Variants in PLK2 observed in about 807,000 individuals in gnomAD.
PLK2 encodes the protein polo like kinase 2.
In PLK2, 25 loss-of-function variants were observed where a neutral mutation model predicts 78.1. That is an observed-to-expected ratio of 0.32 (90% CI 0.23 to 0.45). The LOEUF (loss-of-function observed/expected upper bound fraction) is 0.45, where lower values mean the gene tolerates loss of function less well. Among genes scored for constraint, PLK2 ranks in the 20% least tolerant of loss-of-function variants. The probability of loss-of-function intolerance (pLI) is 1.00; values close to 1 mark genes in which losing one functional copy is unlikely to be tolerated. For missense variants in PLK2, 566 were observed against 840.2 expected (o/e 0.67, Z 4.04); for synonymous variants, 332 against 298.2 (o/e 1.11, Z -1.17).
chr5:58,459,397 G>A (rs1743695008), intron 1 of PLK2: 2 of 564,104 alleles, frequency 3.5e-6, no homozygotes, highest in African/African-American at 1.9e-5. Flanking sequence ...AAATTCCCTG[G>A]GAGCAGATAG....
chr5:58,459,172 G>A, intron 1 of PLK2, 80 bp from the exon 2 acceptor site: 3 of 791,720 alleles, frequency 3.8e-6, no homozygotes, highest in Middle Eastern at 2.4e-4. Flanking sequence ...TAAATAAATG[G>A]GAAGAAAGAA....
chr5:58,459,844 G>T lies in PLK2; in HGVS notation c.116C>A (p.Pro39His). The T allele has an allele frequency of 6.2e-7, 1 of 1,610,672 alleles. No homozygotes were observed. Among genetic ancestry groups the T allele is most frequent in the East Asian group, 2.2e-5 (1 of 44,842 alleles). The change falls in exon 1 of 14, where the codon CCC becomes CAC. Residue 39 changes from proline to histidine, a missense_variant. By Grantham distance (77) the Pro-to-His change is moderately conservative (BLOSUM62 -2). Transcript: ENST00000274289. ...DSKKKRPPQP[P>H]EESQPPQSQA... Reference sequence around the variant, plus strand: ...GGACTGAGGTGGCTGCGATTCCTCGGGGGGCTGCGGCGGCCGCTTCTTCTT... The same window carrying T: ...GGACTGAGGTGGCTGCGATTCCTCGTGGGGCTGCGGCGGCCGCTTCTTCTT...
At chr5:58,456,244 T>G in intron 9 of PLK2, 89 bp from the exon 10 acceptor site, 1 of 1,296,620 alleles carries the variant, frequency 7.7e-7, no homozygotes, top group Non-Finnish European at 1.1e-6. Context: ...GTGAGGCAAT[T>G]GCTGGGAAAG....
At chr5:58,457,638 G>A in intron 5 of PLK2, 55 bp from the exon 6 acceptor site, 1 of 1,007,256 alleles carries the variant, frequency 9.9e-7, no homozygotes, top group East Asian at 2.4e-5. Flanking sequence ...ACTTAAACTT[G>A]GTTCTCTTGA....
chr5:58,458,923 C>T, intron 2 of PLK2, 62 bp downstream of exon 2: 1 of 1,320,764 alleles, frequency 7.6e-7, no homozygotes. Context: ...AAGACATTTT[C>T]CTAACAGGGA....
In PLK2 at chr5:58,454,959, T is replaced by G. The variant is rs1429914062; in HGVS notation, c.1818A>C (p.Leu606=). ...RRPRLYLLQW[L]KSDKALMMLF... is the part of the protein sequence containing the mutation. ...GCATCATTAGGGCCTTATCAGATTT[T>G]AGCCACTGAAGGAGGTAGAGCCGAG... is the stretch of plus-strand genomic sequence containing the variant. Residue 606 remains leucine (L), a synonymous_variant, in exon 13 of 14, where the codon CTA becomes CTC. Transcript: ENST00000274289. 1 of 1,613,304 alleles carries G rather than the reference T, an allele frequency of 6.2e-7. No individual in the cohort carries two copies. Among genetic ancestry groups the G allele is most frequent in the African/African-American group, 1.3e-5 (1 of 74,912 alleles).
rs934371285 is a variant in PLK2 at position 58,460,074 on chromosome 5, G to C, written c.-115C>G. ...GGTGCCGACTAGCACCCAACACCCC[G>C]GTCCACTTGTGCGAGTGAGAGCGCT... On this transcript the variant is annotated 5_prime_UTR_variant, in exon 1 of 14. Coordinates refer to ENST00000274289, the MANE Select transcript of PLK2 (RefSeq NM_006622.4). The C allele has an allele frequency of 7.9e-6, 10 of 1,258,344 alleles. No homozygotes were observed. In the African/African-American group the frequency reaches 1.5e-4, roughly 19 times the overall value. 77.9% of individuals were successfully genotyped at this position (1,258,344 alleles called of 1,614,324 possible).
chr5:58,455,372 G>T lies in PLK2; in HGVS notation c.1668C>A (p.Phe556Leu), dbSNP rs1303629647. 1.2e-6 allele frequency: 2 copies of T among 1,614,016 alleles called. No homozygotes were observed. Among genetic ancestry groups the T allele is most frequent in the African/African-American group, 2.7e-5 (2 of 75,008 alleles). Residue 556 changes from phenylalanine (F) to leucine (L), a missense_variant, in exon 12 of 14, where the codon TTC (phenylalanine) becomes TTA (leucine). Phe to Leu is a conservative substitution (Grantham distance 22, BLOSUM62 0). Around this residue, in one of 5 missense-constraint regions of PLK2, gnomAD observed 130 missense variants for 196.4 expected, o/e 0.66. Transcript: ENST00000274289. ...YYAELGQCSV[F>L]PATDAPEQFI... ...ATTGCTCAGGAGCATCTGTTGCTGG[G>T]AAAACTGAGCATTGGCCAAGCTCTG...
In PLK2 at chr5:58,457,310, C is replaced by T. The variant is rs914653244; in HGVS notation, c.879G>A (p.Arg293=). Residue 293 remains arginine, a synonymous_variant, in exon 7 of 14, where the codon AGG becomes AGA. Coordinates refer to ENST00000274289, the MANE Select transcript of PLK2 (RefSeq NM_006622.4). Reference sequence around the variant, plus strand: ...AGGACGGCATTGTATACCTTGCTTCCCTTATGCACCTATAAGTTTCTTTGA... The same window carrying T: ...AGGACGGCATTGTATACCTTGCTTCTCTTATGCACCTATAAGTTTCTTTGA... ...TNLKETYRCI[R]EARYTMPSSL... is the part of the protein sequence containing the mutation. 3.7e-6 allele frequency: 6 copies of T among 1,613,674 alleles called. No homozygotes were observed. The highest frequency in any genetic ancestry group is 5.1e-6 in the Non-Finnish European group (6 of 1,179,618).
At chr5:58,459,239 C>T in intron 1 of PLK2, 147 bp from the exon 2 acceptor site, 1 of 616,982 alleles carries the variant, frequency 1.6e-6, no homozygotes, top group Non-Finnish European at 2.9e-6. Flanking sequence ...AGGCATTCGA[C>T]TTCGTTAAAG....
At position 58,459,007 on chromosome 5, in the gene PLK2, G is replaced by A; in HGVS notation, c.356C>T (p.Ala119Val). 1 of 1,600,026 alleles carries A rather than the reference G, an allele frequency of 6.2e-7. No homozygotes were observed. The highest frequency in any genetic ancestry group is 8.6e-7 in the Non-Finnish European group (1 of 1,167,276). The change falls in exon 2 of 14, where the codon GCT becomes GTT. Residue 119 changes from alanine to valine, a missense_variant. Transcript: ENST00000274289. ...AAKIIPHSRV[A>V]KPHQREKIDK... ...CACCTTTTCCCTTTGATGAGGTTTA[G>A]CTACTCTGCTGTGAGGAATAATTTT... is the stretch of plus-strand genomic sequence containing the variant.
intron 5 of PLK2, 93 bp downstream of exon 5, chr5:58,457,991 T>C: frequency 1.2e-6 from 1 of 807,384 alleles, no homozygotes; most frequent in East Asian, 2.4e-5. Flanking sequence ...TTATAGATTT[T>C]ATTACCGGAC....
At chr5:58,456,245 G>T in intron 9 of PLK2, 90 bp from the exon 10 acceptor site, 2 of 1,261,968 alleles carry the variant, frequency 1.6e-6, no homozygotes, top group South Asian at 1.4e-5. Context: ...TGAGGCAATT[G>T]CTGGGAAAGC....
chr5:58,457,945 T>A, intron 5 of PLK2, 139 bp downstream of exon 5: 1 of 707,066 alleles, frequency 1.4e-6, no homozygotes, highest in East Asian at 2.5e-5. Flanking sequence ...TAGTGGGCAT[T>A]TAATAAGTAT....
At chr5:58,455,166 T>C (rs768155491) in intron 12 of PLK2, 119 bp downstream of exon 12, 49 of 1,276,086 alleles carry the variant, frequency 3.8e-5, no homozygotes, top group Non-Finnish European at 5.1e-5. Flanking sequence ...GAGATTCTGA[T>C]TCAGTACACC....
chr5:58,456,063 G>A lies in PLK2; in HGVS notation c.1347C>T (p.Val449=). 2 of 1,613,936 alleles carry A rather than the reference G, an allele frequency of 1.2e-6. No homozygotes were observed. The highest frequency in any genetic ancestry group is 2.2e-5 in the South Asian group (2 of 91,044). Residue 449 remains valine (V), a synonymous_variant, in exon 10 of 14, where the codon GTC becomes GTT. Transcript: ENST00000274289. Reference sequence around the variant, plus strand: ...TGCTACAGCTGCCAAGAGTCCCTCTGACTATCATCCGAATAGCATCCCCAA... The same window carrying A: ...TGCTACAGCTGCCAAGAGTCCCTCTAACTATCATCCGAATAGCATCCCCAA... ...QQIGDAIRMI[V]RGTLGSCSSS...
Position 58,459,855 on chromosome 5 carries a change from C to A in PLK2, c.105G>T (p.Pro35=), listed in dbSNP as rs1173183353. 1 of 1,610,376 alleles carries A rather than the reference C, an allele frequency of 6.2e-7. No individual in the cohort carries two copies. Among genetic ancestry groups the A allele is most frequent in the Non-Finnish European group, 8.5e-7 (1 of 1,179,660 alleles). Residue 35 remains proline, a synonymous_variant, in exon 1 of 14, where the codon CCG becomes CCT. Coordinates refer to ENST00000274289, the MANE Select transcript of PLK2 (RefSeq NM_006622.4). The stretch of plus-strand genomic sequence containing the variant: ...GCTGCGATTCCTCGGGGGGCTGCGG[C>A]GGCCGCTTCTTCTTCGAGTCCGCTC... ...GCGADSKKKR[P]PQPPEESQPP...
At position 58,458,725 on chromosome 5, in the gene PLK2, C is replaced by T. The variant is rs1237967969; in HGVS notation, c.495G>A (p.Arg165=). 2.7e-6 allele frequency: 4 copies of T among 1,457,822 alleles called. No homozygotes were observed. Among genetic ancestry groups the T allele is most frequent in the South Asian group, 2.3e-5 (2 of 87,520 alleles). 90.3% of individuals were successfully genotyped at this position (1,457,822 alleles called of 1,614,324 possible). The change falls in exon 3 of 14, where the codon AGG becomes AGA. Residue 165 remains arginine, a splice_region_variant and synonymous_variant. Transcript: ENST00000274289. ...IYILLEYCSR[R]SMAHILKARK... ...TTCTCAAATAGGAGTTGACACTTAC[C>T]CTTCTACTGCAGTATTCCAAGAGAA... is the stretch of plus-strand genomic sequence containing the variant.
rs2111702199 is a variant in PLK2, at chr5:58,454,037, A to C, written c.*546T>G. 1 of 152,806 alleles carries C rather than the reference A, an allele frequency of 6.5e-6. No individual in the cohort carries two copies. The highest frequency in any genetic ancestry group is 2.4e-5 in the African/African-American group (1 of 41,582). The allele number at this position is 152,806 out of a possible 1,614,324, so 9.5% of individuals were successfully genotyped here. A position where few individuals can be genotyped will look rare whatever the true frequency, so the allele number is the denominator to read the frequency against. ...CGGTTTAAAATGGTCAACATAAAAAAAAAGACATTTTGATAATAAATACTG... is the reference window on the plus strand; with the variant it reads ...CGGTTTAAAATGGTCAACATAAAAACAAAGACATTTTGATAATAAATACTG... On this transcript the variant is annotated 3_prime_UTR_variant, in exon 14 of 14. Coordinates refer to ENST00000274289, the MANE Select transcript of PLK2 (RefSeq NM_006622.4).
Sources: allele counts gnomAD v4.1 joint callset, GRCh38; gene constraint gnomAD v4.1.1; regional missense constraint gnomAD v4.1.1; transcripts MANE v1.5; gene names NCBI Gene and HGNC (gene_info 2026-07-23, HGNC 2026-07-21).